QSOX2: variants seen among roughly 807,000 people sequenced by gnomAD.
QSOX2 encodes the protein quiescin sulfhydryl oxidase 2.
In QSOX2, 46 loss-of-function variants were observed where a neutral mutation model predicts 61.7. That is an observed-to-expected ratio of 0.75 (90% CI 0.59 to 0.95). The LOEUF is 0.95. Ranked by LOEUF, QSOX2 falls within the 40% of genes least tolerant of loss-of-function variation. The pLI is 0.00. For missense variants in QSOX2, 879 were observed against 918.9 expected (o/e 0.96, Z 0.56); for synonymous variants, 383 against 388.4 (o/e 0.99, Z 0.16).
chr9:136,213,432 G>A (rs1370692342), intron 10 of QSOX2, among the ~76,000 whole-genome samples: 1 of 151,798 alleles, frequency 6.6e-6, no homozygotes, highest in Non-Finnish European at 1.5e-5. Flanking sequence ...GTCTAGCTGG[G>A]CATTAGATCA....
intron 2 of QSOX2, 118 bp from the exon 3 acceptor site, chr9:136,225,027 T>G (rs2131059264): frequency 1.5e-6 from 1 of 651,064 alleles, no homozygotes; most frequent in Middle Eastern, 2.5e-4. Context: ...TTCGGAAAGT[T>G]TTCATAAATT....
intron 1 of QSOX2, among the ~76,000 whole-genome samples, chr9:136,232,946 G>GA (rs912833941): frequency 2.9e-5 from 4 of 140,002 alleles, no homozygotes; most frequent in South Asian, 2.3e-4. Flanking sequence ...AAAGAAAAAA[G>GA]AAAAAAAAAG....
At position 136,233,320 on chromosome 9, in the gene QSOX2, G is replaced by T. The variant is rs116696870; in HGVS notation, c.329-6446C>A. Among the ~76,000 whole-genome samples, 1,135 of 152,320 alleles carry T rather than the reference G, an allele frequency of 7.5e-3. 19 individuals are homozygous for T. Among genetic ancestry groups the T allele is most frequent in the African/African-American group, 0.026 (1,073 of 41,552 alleles). ...TTACAGTGATTTCATCTTGCTGAAT[G>T]CCCCTGGCCACGAAGAACTCATGAG... On this transcript the variant is annotated intron_variant, in intron 1 of 11. Coordinates refer to ENST00000358701, the MANE Select transcript of QSOX2 (RefSeq NM_181701.4).
chr9:136,230,768 G>C (rs1205594476), intron 1 of QSOX2, among the ~76,000 whole-genome samples: 2 of 152,192 alleles, frequency 1.3e-5, no homozygotes, highest in East Asian at 3.9e-4. Context: ...AGGCGCCTGG[G>C]AGAGTCCCGG....
chr9:136,228,368 T>G (rs564683839), intron 1 of QSOX2, among the ~76,000 whole-genome samples: 1 of 152,242 alleles, frequency 6.6e-6, no homozygotes, highest in Non-Finnish European at 1.5e-5. Flanking sequence ...GCCTGGCTCG[T>G]GCTTCAGTCA....
intron 1 of QSOX2, among the ~76,000 whole-genome samples, chr9:136,231,912 C>T (rs892743272): frequency 6.8e-6 from 1 of 148,074 alleles, no homozygotes; most frequent in Non-Finnish European, 1.5e-5. Flanking sequence ...ACCCCCTCCA[C>T]CCCCTCCACC....
intron 1 of QSOX2, among the ~76,000 whole-genome samples, chr9:136,233,355 G>A (rs546400532): frequency 2.0e-5 from 3 of 152,136 alleles, no homozygotes; most frequent in Non-Finnish European, 4.4e-5. Context: ...GTTCAACACC[G>A]AAGGCTTCAT....
At chr9:136,240,169 G>A (rs1023056220) in intron 1 of QSOX2, among the ~76,000 whole-genome samples, 1 of 152,192 alleles carries the variant, frequency 6.6e-6, no homozygotes, top group Non-Finnish European at 1.5e-5. Flanking sequence ...TGAGACCGCA[G>A]GCCTATTCTC....
intron 1 of QSOX2, among the ~76,000 whole-genome samples, chr9:136,242,019 C>T (rs1830437263): frequency 6.6e-6 from 1 of 152,244 alleles, no homozygotes; most frequent in African/African-American, 2.4e-5. Context: ...GGTGCCTCAT[C>T]TTCCATCACA....
chr9:136,212,763 T>C (rs1831862591), intron 10 of QSOX2, among the ~76,000 whole-genome samples: 1 of 152,222 alleles, frequency 6.6e-6, no homozygotes, highest in African/African-American at 2.4e-5. Flanking sequence ...ACAAGAACCA[T>C]AAACCTCTAC....
At chr9:136,215,091 A>C in intron 10 of QSOX2, 63 bp downstream of exon 10, 7 of 1,575,140 alleles carry the variant, frequency 4.4e-6, no homozygotes, top group Non-Finnish European at 6.0e-6. Flanking sequence ...CTTTGCACAC[A>C]CCGGCTGGGT....
chr9:136,209,195 T>G lies in QSOX2; in HGVS notation c.1630A>C (p.Lys544Gln). The G allele has an allele frequency of 6.2e-7, 1 of 1,614,182 alleles. No individual in the cohort carries two copies. The highest frequency in any genetic ancestry group is 8.5e-7 in the Non-Finnish European group (1 of 1,180,032). Residue 544 changes from lysine to glutamine, a missense_variant, in exon 12 of 12, where the codon AAG becomes CAG. Transcript: ENST00000358701. The surrounding 1 kb of genome is among the most constrained non-coding windows in gnomAD (Gnocchi z 5.6). ...DLCPACHEEI[K>Q]GLASWDEGHV... The stretch of plus-strand genomic sequence containing the variant: ...CCTTCATCCCAGCTGGCCAGGCCCT[T>G]AATTTCCTCATGGCAGGCTGGGCAG...
At position 136,209,689 on chromosome 9, in the gene QSOX2, G is replaced by A. The variant is rs1831822446; in HGVS notation, c.1550-414C>T. 7.1e-6 allele frequency: 7 copies of A among 984,914 alleles called. No homozygotes were observed. The South Asian group carries it at 2.8e-4, about 40-fold the overall frequency. 61.0% of individuals were successfully genotyped at this position (984,914 alleles called of 1,614,324 possible). On this transcript the variant is annotated intron_variant, in intron 11 of 11. Coordinates refer to ENST00000358701, the MANE Select transcript of QSOX2 (RefSeq NM_181701.4). The surrounding 1 kb of genome is among the most constrained non-coding windows in gnomAD (Gnocchi z 5.6). ...CACTGCTGCCCCTCTGCCCTTTCCT[G>A]AGGGTGCACCTGAGGCCCACTACCT...
rs113189561 is a variant in QSOX2 at position 136,207,096 on chromosome 9, G to A, written c.*1632C>T. The A allele has an allele frequency of 0.018, 2,709 of 152,448 alleles. 35 individuals are homozygous for A. The highest frequency in any genetic ancestry group is 0.028 in the Non-Finnish European group (1,911 of 68,052). 9.4% of individuals were successfully genotyped at this position (152,448 alleles called of 1,614,324 possible). ...CTCTCGAGTGAGACACGAAGCAGCA[G>A]GCTGACGCACCAGACACCGCTCCCA... On this transcript the variant is annotated 3_prime_UTR_variant, in exon 12 of 12. Coordinates refer to ENST00000358701, the MANE Select transcript of QSOX2 (RefSeq NM_181701.4).
intron 10 of QSOX2, among the ~76,000 whole-genome samples, chr9:136,212,613 C>T (rs537370677): frequency 7.2e-5 from 11 of 152,372 alleles, no homozygotes; most frequent in Admixed American, 2.6e-4. Context: ...GGACCGCAGG[C>T]GCTGGCCCTG....
At chr9:136,217,087 C>T (rs7040091) in intron 8 of QSOX2, among the ~76,000 whole-genome samples, 4 of 152,248 alleles carry the variant, frequency 2.6e-5, no homozygotes, top group African/African-American at 9.6e-5. Flanking sequence ...GCCTTCCTCA[C>T]GAGGAGCTGT....
chr9:136,207,393 AC>A lies in QSOX2; in HGVS notation c.*1334del. 1 of 151,998 alleles carries A rather than the reference AC, an allele frequency of 6.6e-6. No individual in the cohort carries two copies. The highest frequency in any genetic ancestry group is 1.5e-5 in the Non-Finnish European group (1 of 68,050). 9.4% of individuals were successfully genotyped at this position (151,998 alleles called of 1,614,324 possible). A position where few individuals can be genotyped will look rare whatever the true frequency, so the allele number is the denominator to read the frequency against. On this transcript the variant is annotated 3_prime_UTR_variant, in exon 12 of 12. Coordinates refer to ENST00000358701, the MANE Select transcript of QSOX2 (RefSeq NM_181701.4). Reference sequence around the variant, plus strand: ...CACACACACACACACACACACACACACACACACACGGGCACACAAATACATC... The same window carrying A: ...CACACACACACACACACACACACACAACACACACGGGCACACAAATACATC...
chr9:136,226,752 C>G (rs371321220), intron 2 of QSOX2, 22 bp downstream of exon 2: 23 of 1,594,394 alleles, frequency 1.4e-5, no homozygotes, highest in Admixed American at 3.3e-5. Context: ...TTTCAACGGA[C>G]AAGCAGCCGC....
chr9:136,235,934 T>G (rs920718496), intron 1 of QSOX2, among the ~76,000 whole-genome samples: 1 of 152,224 alleles, frequency 6.6e-6, no homozygotes, highest in Non-Finnish European at 1.5e-5. Flanking sequence ...CGGGAGGAAC[T>G]GGGCTGTGGA....
Sources: allele counts gnomAD v4.1 joint callset (sites outside exome capture counted in the v4.1 genomes callset), GRCh38; gene constraint gnomAD v4.1.1; non-coding constraint Gnocchi (gnomAD v3.1); transcripts MANE v1.5; gene names NCBI Gene and HGNC (gene_info 2026-07-23, HGNC 2026-07-21).